The following GRID1 variants were observed in gnomAD, a reference collection of about 807,000 sequenced individuals.
GRID1 encodes glutamate receptor ionotropic, delta-1.
In GRID1, 28 loss-of-function variants were observed where a neutral mutation model predicts 98.0. The ratio of observed to expected loss-of-function variants is 0.29; its 90% CI spans 0.21 to 0.39. The LOEUF (loss-of-function observed/expected upper bound fraction) is 0.39, where lower values mean the gene tolerates loss of function less well. GRID1 is among the 10% of genes least tolerant of loss of function. GRID1 has a pLI of 1.00. For missense variants in GRID1, 1,111 were observed against 1,340.5 expected, an observed-to-expected ratio of 0.83 and a Z score of 2.67; for synonymous variants, 553 against 538.5, an observed-to-expected ratio of 1.03 and a Z score of -0.37.
chr10:85,873,297 G>T (rs1843297034), intron 5 of GRID1, among the ~76,000 whole-genome samples: 1 of 152,208 alleles, frequency 6.6e-6, no homozygotes, highest in Admixed American at 6.5e-5. Context: ...CCTGGGCAAA[G>T]ATTCCCTCCA....
intron 4 of GRID1, among the ~76,000 whole-genome samples, chr10:86,050,713 G>A (rs1459829974): frequency 2.0e-5 from 3 of 152,072 alleles, no homozygotes; most frequent in African/African-American, 7.2e-5. Flanking sequence ...AACATGGAAA[G>A]ATACACCAAG....
intron 8 of GRID1, among the ~76,000 whole-genome samples, chr10:85,821,359 A>C (rs189916142): frequency 8.6e-5 from 13 of 151,658 alleles, no homozygotes; most frequent in African/African-American, 3.1e-4. Flanking sequence ...TCTACTAAAA[A>C]TACAAAAATT....
chr10:85,832,021 G>T (rs1842871381), intron 8 of GRID1, among the ~76,000 whole-genome samples: 1 of 151,528 alleles, frequency 6.6e-6, no homozygotes, highest in Admixed American at 6.6e-5. Flanking sequence ...AGAATAAAGG[G>T]ATGAAAACAA....
intron 2 of GRID1, among the ~76,000 whole-genome samples, chr10:86,319,449 G>T (rs1426938922): frequency 6.6e-6 from 1 of 152,166 alleles, no homozygotes; most frequent in East Asian, 1.9e-4. Context: ...GGATTGCAGA[G>T]CCAGGAATGC....
At chr10:85,720,949 G>T (rs1841694855) in intron 12 of GRID1, among the ~76,000 whole-genome samples, 1 of 152,134 alleles carries the variant, frequency 6.6e-6, no homozygotes, top group East Asian at 1.9e-4. Context: ...AATATTTGCT[G>T]ACCGCATATC....
chr10:85,805,224 A>G (rs1842612957), intron 8 of GRID1, among the ~76,000 whole-genome samples: 1 of 151,738 alleles, frequency 6.6e-6, no homozygotes, highest in African/African-American at 2.4e-5. Context: ...TTAGTTAGCC[A>G]CTGAAAAATG....
intron 2 of GRID1, among the ~76,000 whole-genome samples, chr10:86,344,917 GGGTCCCT>G (rs1848361006): frequency 6.6e-6 from 1 of 152,196 alleles, no homozygotes; most frequent in African/African-American, 2.4e-5. Context: ...GAGCAGCACC[GGGTCCCT>G]CTGACCAGTG....
chr10:85,774,124 G>T (rs536719003), intron 8 of GRID1, among the ~76,000 whole-genome samples: 1 of 152,278 alleles, frequency 6.6e-6, no homozygotes, highest in South Asian at 2.1e-4. Context: ...TACCAAAACA[G>T]AGATAGCGAT....
intron 4 of GRID1, among the ~76,000 whole-genome samples, chr10:86,020,419 A>G (rs1431712707): frequency 6.6e-6 from 1 of 152,228 alleles, no homozygotes; most frequent in Non-Finnish European, 1.5e-5. Context: ...ATGCAGCTCC[A>G]GCCTGTGGGC....
At chr10:85,647,505 A>G in intron 12 of GRID1, 108 bp from the exon 13 acceptor site, 1 of 812,524 alleles carries the variant, frequency 1.2e-6, no homozygotes, top group Non-Finnish European at 2.0e-6. Flanking sequence ...GGCATGGCCC[A>G]CTATCCACAT....
At chr10:85,757,506 G>A (rs913855973) in intron 8 of GRID1, among the ~76,000 whole-genome samples, 1 of 152,206 alleles carries the variant, frequency 6.6e-6, no homozygotes, top group Non-Finnish European at 1.5e-5. Context: ...CACCAAATCT[G>A]GGTGGTCTTA....
chr10:85,679,825 G>A (rs1351290344), intron 12 of GRID1, among the ~76,000 whole-genome samples: 6 of 152,212 alleles, frequency 3.9e-5, no homozygotes, highest in South Asian at 2.1e-4. Flanking sequence ...GTAACAGTCA[G>A]TGGGGGGATA....
chr10:86,188,760 C>T (rs1220359861), intron 3 of GRID1, among the ~76,000 whole-genome samples: 2 of 152,184 alleles, frequency 1.3e-5, no homozygotes, highest in Non-Finnish European at 2.9e-5. Flanking sequence ...GTGCTAGGCA[C>T]ATCAGTAATC....
intron 12 of GRID1, among the ~76,000 whole-genome samples, chr10:85,662,531 C>T (rs2132571855): frequency 6.6e-6 from 1 of 152,328 alleles, no homozygotes; most frequent in East Asian, 1.9e-4. Context: ...GGATCCCCAG[C>T]TCCCTCCGTA....
intron 4 of GRID1, among the ~76,000 whole-genome samples, chr10:85,993,806 G>T (rs1842709589): frequency 6.6e-6 from 1 of 152,170 alleles, no homozygotes; most frequent in African/African-American, 2.4e-5. Flanking sequence ...CCATCTTATA[G>T]ACAGGAGAAT....
At chr10:85,828,949 C>T (rs1313728588) in intron 8 of GRID1, among the ~76,000 whole-genome samples, 2 of 152,160 alleles carry the variant, frequency 1.3e-5, no homozygotes, top group Non-Finnish European at 2.9e-5. Flanking sequence ...TCTTTCCTAA[C>T]TTATTCTATG....
At chr10:86,274,198 G>A (rs1042884502) in intron 2 of GRID1, among the ~76,000 whole-genome samples, 2 of 152,104 alleles carry the variant, frequency 1.3e-5, no homozygotes, top group Non-Finnish European at 2.9e-5. Context: ...GTTTTTCTCA[G>A]GTTTGTCAAA....
intron 2 of GRID1, among the ~76,000 whole-genome samples, chr10:86,256,779 C>A (rs1326346087): frequency 1.3e-5 from 2 of 152,344 alleles, no homozygotes; most frequent in Admixed American, 6.5e-5. Context: ...CCCTTCAAAG[C>A]TGGCCTCTAT....
At position 86,077,513 on chromosome 10, in the gene GRID1, G is replaced by A. The variant is rs541000980; in HGVS notation, c.726+61306C>T. ...TCCCACCTAAACCTAGTGCACTAGG[G>A]CTCCTCTTCCAAAGCATTCCCTGCT... is the stretch of plus-strand genomic sequence containing the variant. On this transcript the variant is annotated intron_variant, in intron 4 of 15. Coordinates refer to ENST00000327946, the MANE Select transcript of GRID1 (RefSeq NM_017551.3). Among the ~76,000 whole-genome samples, 6 of 152,262 alleles carry A rather than the reference G, an allele frequency of 3.9e-5. No individual in the cohort carries two copies. The South Asian group carries it at 8.3e-4, about 21-fold the overall frequency.
Sources: allele counts gnomAD v4.1 joint callset (sites outside exome capture counted in the v4.1 genomes callset), GRCh38; gene constraint gnomAD v4.1.1; transcripts MANE v1.5; gene names NCBI Gene and HGNC (gene_info 2026-07-23, HGNC 2026-07-21).